The following TRRAP variants were observed in gnomAD, a reference collection of about 807,000 sequenced individuals.
TRRAP encodes the protein transformation/transcription domain-associated protein.
In TRRAP, 41 loss-of-function variants were observed where a neutral mutation model predicts 438.8. The observed-to-expected ratio is 0.09, with a 90% CI of 0.07 to 0.12. The LOEUF (loss-of-function observed/expected upper bound fraction) is 0.12, where lower values mean the gene tolerates loss of function less well. Ranked by LOEUF, TRRAP falls within the 10% of genes least tolerant of loss-of-function variation. TRRAP has a pLI of 1.00. For missense variants in TRRAP, 3,122 were observed against 5,055.1 expected, an observed-to-expected ratio of 0.62 and a Z score of 11.60; for synonymous variants, 1,994 against 1,962.9, an observed-to-expected ratio of 1.02 and a Z score of -0.42.
At chr7:98,943,054 C>T (rs552373865) in intron 31 of TRRAP, 37 bp downstream of exon 31, 14 of 1,611,602 alleles carry the variant, frequency 8.7e-6, no homozygotes, top group Middle Eastern at 1.7e-4. Flanking sequence ...GGGCACCAGC[C>T]GCCATGCTGG....
At chr7:98,921,305 A>G (rs782066775) in intron 20 of TRRAP, among the ~76,000 whole-genome samples, 1 of 152,224 alleles carries the variant, frequency 6.6e-6, no homozygotes, top group African/African-American at 2.4e-5. Context: ...TGGTTTCTCC[A>G]AAGAAGGGAG....
intron 2 of TRRAP, chr7:98,881,743 G>GTGTGTGTT: frequency 2.1e-6 from 1 of 474,288 alleles, no homozygotes; most frequent in Non-Finnish European, 3.7e-6. Context: ...AGAGGCACGT[G>GTGTGTGTT]TGTGTGTTTG....
At chr7:98,996,537 G>T (rs187647243) in intron 67 of TRRAP, among the ~76,000 whole-genome samples, 1 of 152,348 alleles carries the variant, frequency 6.6e-6, no homozygotes, top group African/African-American at 2.4e-5. Flanking sequence ...TCCCAGAGAT[G>T]AAAGAAAGAT....
At position 98,978,851 on chromosome 7, in the gene TRRAP, G is replaced by C. The variant is rs1474998297; in HGVS notation, c.8581G>C (p.Glu2861Gln). The change falls in exon 58 of 73, where the codon GAG (glutamate) becomes CAG (glutamine). Residue 2861 changes from glutamate (E) to glutamine (Q), a missense_variant. By Grantham distance (29) the Glu-to-Gln change is conservative. Coordinates refer to ENST00000456197, the MANE Select transcript of TRRAP (RefSeq NM_001375524.1). ...KGHINPYLVL[E>Q]CAWRVSNWTA... ...CCACATCAACCCCTACCTCGTCCTG[G>C]AGTGCGCCTGGCGGGTGTCCAACTG... The C allele has an allele frequency of 6.2e-7, 1 of 1,614,226 alleles. No homozygotes were observed. Among genetic ancestry groups the C allele is most frequent in the Non-Finnish European group, 8.5e-7 (1 of 1,180,044 alleles).
Position 98,900,665 on chromosome 7 carries a change from T to C in TRRAP, c.842T>C (p.Ile281Thr), listed in dbSNP as rs377327993. The change falls in exon 11 of 73, where the codon ATT (isoleucine) becomes ACT (threonine). Residue 281 changes from isoleucine (I) to threonine (T), a missense_variant. Coordinates refer to ENST00000456197, the MANE Select transcript of TRRAP (RefSeq NM_001375524.1). ...LYNKELYADF[I>T]AAQIKTLSFL... ...AACAAGGAGTTGTATGCTGACTTCA[T>C]TGCTGCTCAGATTAAAACATTGTCA... 2.9e-5 allele frequency: 46 copies of C among 1,613,604 alleles called. No individual in the cohort carries two copies. The highest frequency in any genetic ancestry group is 3.6e-5 in the Non-Finnish European group (43 of 1,179,998).
At chr7:98,940,529 A>AT (rs375748773) in intron 30 of TRRAP, among the ~76,000 whole-genome samples, 14 of 151,454 alleles carry the variant, frequency 9.2e-5, no homozygotes, top group Admixed American at 4.6e-4. Context: ...TGTTACCCAG[A>AT]TTTTTTTTTA....
chr7:98,890,243 T>TTTA, intron 3 of TRRAP, 92 bp from the exon 4 acceptor site: 1 of 790,750 alleles, frequency 1.3e-6, no homozygotes, highest in African/African-American at 1.8e-5. Flanking sequence ...GCTAAAATGT[T>TTTA]TTATATTCCT....
intron 30 of TRRAP, 133 bp downstream of exon 30, chr7:98,937,953 TC>T: frequency 9.9e-7 from 1 of 1,010,072 alleles, no homozygotes; most frequent in Non-Finnish European, 1.3e-6. Flanking sequence ...GGTGGGTGGA[TC>T]GCTTGCAGTT....
rs1554417634 is a variant in TRRAP, at chr7:98,949,449, G to A, written c.4821G>A (p.Leu1607=). ...SFLKHKDARP[L]RDVLAANPNR... ...TAAAACACAAAGACGCCAGACCTCT[G>A]CGGGATGTGCTGGCTGCCAACCCCA... The change falls in exon 36 of 73, where the codon CTG becomes CTA. Residue 1607 remains leucine, a synonymous_variant. Coordinates refer to ENST00000456197, the MANE Select transcript of TRRAP (RefSeq NM_001375524.1). The A allele has an allele frequency of 3.1e-6, 5 of 1,599,876 alleles. No homozygotes were observed. In the Admixed American group the frequency reaches 9.0e-5, roughly 29 times the overall value.
At position 98,925,097 on chromosome 7, in the gene TRRAP, G is replaced by T; in HGVS notation, c.2824-15G>T. On this transcript the variant is annotated splice_polypyrimidine_tract_variant and intron_variant, in intron 21 of 72. Transcript: ENST00000456197. ...TTTCAGCACAAACTGTAGTTTCTTT[G>T]TGTCTTGGTTGTAGGCCATTGAAAC... 1 of 1,598,588 alleles carries T rather than the reference G, an allele frequency of 6.3e-7. No individual in the cohort carries two copies. The highest frequency in any genetic ancestry group is 8.5e-7 in the Non-Finnish European group (1 of 1,173,812).
In TRRAP at chr7:98,970,171, G is replaced by C. The variant is rs1175654094; in HGVS notation, c.7572G>C (p.Met2524Ile). The C allele has an allele frequency of 1.2e-6, 2 of 1,613,926 alleles. No individual in the cohort carries two copies. Among genetic ancestry groups the C allele is most frequent in the African/African-American group, 2.7e-5 (2 of 75,040 alleles). Reference protein sequence around the residue: ...TPIGTSCQGAMLPSITNVINL... With the variant: ...TPIGTSCQGAILPSITNVINL... ...TTGGCACCAGCTGCCAAGGAGCCAT[G>C]CTCCCGTCCATCACCAACGTCATCA... Residue 2524 changes from methionine (M) to isoleucine (I), a missense_variant, in exon 52 of 73, where the codon ATG becomes ATC. Physicochemically the swap from Met to Ile is conservative, Grantham distance 10. Coordinates refer to ENST00000456197, the MANE Select transcript of TRRAP (RefSeq NM_001375524.1).
intron 1 of TRRAP, among the ~76,000 whole-genome samples, chr7:98,878,842 G>A (rs1403783936): frequency 2.6e-5 from 4 of 152,274 alleles, no homozygotes; most frequent in African/African-American, 7.2e-5. Context: ...AGCTGTGGGA[G>A]GCGCAGCGCT....
intron 7 of TRRAP, among the ~76,000 whole-genome samples, chr7:98,896,824 A>G (rs189975117): frequency 6.6e-6 from 1 of 152,236 alleles, no homozygotes; most frequent in Non-Finnish European, 1.5e-5. Flanking sequence ...AAGTCCTGCC[A>G]CCTGCCCTCC....
intron 62 of TRRAP, among the ~76,000 whole-genome samples, chr7:98,987,025 C>T (rs1290205418): frequency 6.6e-6 from 1 of 152,198 alleles, no homozygotes; most frequent in Non-Finnish European, 1.5e-5. Context: ...TGGCTCACAC[C>T]TGTAATCCTA....
chr7:98,931,388 A>T lies in TRRAP; in HGVS notation c.3592-17A>T, dbSNP rs369883518. The T allele has an allele frequency of 1.2e-6, 2 of 1,610,678 alleles. No individual in the cohort carries two copies. Among genetic ancestry groups the T allele is most frequent in the Non-Finnish European group, 1.7e-6 (2 of 1,178,486 alleles). ...GGCATCGCCCTGCTTTCATTCTAAG[A>T]CATCCCTGACTTGCAGGTTTCCAAT... On this transcript the variant is annotated splice_polypyrimidine_tract_variant and intron_variant, in intron 25 of 72. Coordinates refer to ENST00000456197, the MANE Select transcript of TRRAP (RefSeq NM_001375524.1).
In TRRAP at chr7:98,993,859, A is replaced by G. The variant is rs373550617; in HGVS notation, c.10047+122A>G. Reference sequence around the variant, plus strand: ...GGTCCTTTTATATATTTGTTGTTGAACTTAACCATGGACCAGGCAAATAGC... The same window carrying G: ...GGTCCTTTTATATATTTGTTGTTGAGCTTAACCATGGACCAGGCAAATAGC... On this transcript the variant is annotated intron_variant, in intron 66 of 72. Coordinates refer to ENST00000456197, the MANE Select transcript of TRRAP (RefSeq NM_001375524.1). The G allele has an allele frequency of 3.0e-4, 291 of 981,806 alleles. 2 individuals are homozygous for G. In the East Asian group the frequency reaches 7.0e-3, roughly 24 times the overall value. 60.8% of individuals were successfully genotyped at this position (981,806 alleles called of 1,614,324 possible).
At chr7:98,891,480 C>T (rs1209898201) in intron 4 of TRRAP, among the ~76,000 whole-genome samples, 2 of 150,456 alleles carry the variant, frequency 1.3e-5, no homozygotes, top group Non-Finnish European at 3.0e-5. Context: ...AGACTACAGG[C>T]GTGAGCCACT....
rs1791179265 is a variant in TRRAP at position 98,948,344 on chromosome 7, AG to A, written c.4668+7del. On this transcript the variant is annotated splice_donor_5th_base_variant and intron_variant, in intron 34 of 72. Coordinates refer to ENST00000456197, the MANE Select transcript of TRRAP (RefSeq NM_001375524.1). The surrounding 1 kb of genome is among the most constrained non-coding windows in gnomAD (Gnocchi z 4.9). Reference sequence around the variant, plus strand: ...GGAGCGGGCGATGCTGATCGAGGTAAGGGCCATACTGAAGGCTGCTTCTCGC... The same window carrying A: ...GGAGCGGGCGATGCTGATCGAGGTAAGGCCATACTGAAGGCTGCTTCTCGC... The A allele has an allele frequency of 6.2e-7, 1 of 1,614,044 alleles. No homozygotes were observed. Among genetic ancestry groups the A allele is most frequent in the African/African-American group, 1.3e-5 (1 of 74,918 alleles).
At chr7:98,965,049 G>A (rs1055687796) in intron 48 of TRRAP, among the ~76,000 whole-genome samples, 1 of 152,228 alleles carries the variant, frequency 6.6e-6, no homozygotes, top group South Asian at 2.1e-4. Context: ...CCCAGAGTTG[G>A]AGGCTGCTGT....
Sources: gnomAD v4.1 joint callset for allele counts (sites outside exome capture counted in the v4.1 genomes callset) on GRCh38, gnomAD v4.1.1 for gene constraint, Gnocchi (gnomAD v3.1) non-coding constraint, MANE v1.5 for transcripts, NCBI Gene and HGNC (gene_info 2026-07-23, HGNC 2026-07-21) for gene names.